The following SEPTIN7 variants were observed in gnomAD, a reference collection of about 807,000 sequenced individuals.
SEPTIN7 encodes the protein septin 7.
SEPTIN7 carries 10 observed loss-of-function variants against 63.3 expected under a neutral mutation model. The observed-to-expected ratio is 0.16, with a 90% CI of 0.10 to 0.27. The LOEUF is 0.27. Ranked by LOEUF, SEPTIN7 falls within the 10% of genes least tolerant of loss-of-function variation. SEPTIN7 has a pLI of 1.00. For synonymous variants in SEPTIN7, 131 were observed against 165.3 expected, an observed-to-expected ratio of 0.79 and a Z score of 1.59; for missense variants, 310 against 521.0, an observed-to-expected ratio of 0.59 and a Z score of 3.94.
rs536215732 is a variant in SEPTIN7, at chr7:35,887,095, C to T, written c.872+1216C>T. Among the ~76,000 whole-genome samples, 6 of 152,268 alleles carry T rather than the reference C, an allele frequency of 3.9e-5. No homozygotes were observed. The East Asian group carries it at 1.2e-3, about 29-fold the overall frequency. On this transcript the variant is annotated intron_variant, in intron 10 of 13. Transcript: ENST00000350320. ...AGGCTCTATTATGAACCATTCCCTTCCTCTTCCATTCTTAAGGTGTGACTT... is the reference window on the plus strand; with the variant it reads ...AGGCTCTATTATGAACCATTCCCTTTCTCTTCCATTCTTAAGGTGTGACTT...
chr7:35,879,997 T>C, intron 7 of SEPTIN7, 57 bp downstream of exon 7: 1 of 947,278 alleles, frequency 1.1e-6, no homozygotes, highest in Non-Finnish European at 1.7e-6. Context: ...TTGCAGTTTT[T>C]ACTATTTTTA....
At chr7:35,840,816 A>C (rs1784373829) in intron 3 of SEPTIN7, among the ~76,000 whole-genome samples, 2 of 152,202 alleles carry the variant, frequency 1.3e-5, no homozygotes, top group Admixed American at 6.5e-5. Context: ...TAATGTGTTA[A>C]GTGGCATAAG....
intron 4 of SEPTIN7, among the ~76,000 whole-genome samples, chr7:35,867,944 C>G (rs1346247302): frequency 6.6e-6 from 1 of 151,536 alleles, no homozygotes; most frequent in East Asian, 1.9e-4. Flanking sequence ...TGATCTCAAG[C>G]TTACTGCAAC....
intron 3 of SEPTIN7, among the ~76,000 whole-genome samples, chr7:35,858,237 G>A (rs542440947): frequency 1.3e-5 from 2 of 151,748 alleles, no homozygotes; most frequent in East Asian, 1.9e-4. Context: ...TAGCCACCAC[G>A]CCCAACCCCC....
intron 1 of SEPTIN7, among the ~76,000 whole-genome samples, chr7:35,812,750 TAATA>T (rs1331975471): frequency 1.3e-5 from 2 of 152,218 alleles, no homozygotes; most frequent in African/African-American, 2.4e-5. Flanking sequence ...CCACTTCATT[TAATA>T]AATAAATCTT....
At chr7:35,893,141 T>C (rs1273635212) in intron 11 of SEPTIN7, among the ~76,000 whole-genome samples, 2 of 152,178 alleles carry the variant, frequency 1.3e-5, no homozygotes, top group Non-Finnish European at 2.9e-5. Flanking sequence ...TATCCATGAA[T>C]AACTGAAAAG....
At chr7:35,907,333 C>T (rs950171635), downstream of SEPTIN7, among the ~76,000 whole-genome samples, 19 of 152,094 alleles carry the variant, frequency 1.2e-4, no homozygotes, top group African/African-American at 4.3e-4. Flanking sequence ...TTTACCTGCC[C>T]CTTTTGTAAT....
At chr7:35,902,826 TGTTAA>T (rs1230655792) in intron 12 of SEPTIN7, 2 of 372,778 alleles carry the variant, frequency 5.4e-6, no homozygotes, top group African/African-American at 4.8e-5. Flanking sequence ...TACTCCACAC[TGTTAA>T]GTTTGTTGCT....
At chr7:35,812,697 G>C (rs936528561) in intron 1 of SEPTIN7, among the ~76,000 whole-genome samples, 30 of 151,928 alleles carry the variant, frequency 2.0e-4, no homozygotes, top group Non-Finnish European at 1.5e-4. Context: ...TTTTTCCCCC[G>C]TAGGGTAGTT....
chr7:35,842,757 A>C (rs28380619), intron 3 of SEPTIN7, among the ~76,000 whole-genome samples: 2 of 152,206 alleles, frequency 1.3e-5, no homozygotes, highest in African/African-American at 4.8e-5. Flanking sequence ...CAAAAGTTAC[A>C]AGTACAGTAC....
rs545908177 is a variant in SEPTIN7, at chr7:35,894,482, G to T, written c.998+3689G>T. On this transcript the variant is annotated intron_variant, in intron 11 of 13. Coordinates refer to ENST00000350320, the MANE Select transcript of SEPTIN7 (RefSeq NM_001788.6). ...ATCTAAATAGAAATAAAGACAATTT[G>T]CTGAAAATTTCAAGTTGTTTCAAAA... Among the ~76,000 whole-genome samples the T allele has an allele frequency of 9.0e-4, 137 of 152,182 alleles. 2 individuals are homozygous for T. The highest frequency in any genetic ancestry group is 1.4e-3 in the Admixed American group (22 of 15,282).
intron 4 of SEPTIN7, among the ~76,000 whole-genome samples, chr7:35,871,282 A>G (rs994501925): frequency 4.6e-5 from 7 of 152,218 alleles, no homozygotes; most frequent in Admixed American, 3.9e-4. Flanking sequence ...TTCAGTTTTA[A>G]TAAGTTTTAT....
intron 1 of SEPTIN7, among the ~76,000 whole-genome samples, chr7:35,801,673 C>T (rs1340806255): frequency 1.3e-5 from 2 of 152,192 alleles, no homozygotes; most frequent in Non-Finnish European, 2.9e-5. Flanking sequence ...CCTCCTGTCC[C>T]CGGCCGCATC....
chr7:35,882,449 TG>T (rs1262531251), intron 7 of SEPTIN7, 34 bp from the exon 8 acceptor site: 1 of 1,401,914 alleles, frequency 7.1e-7, no homozygotes, highest in East Asian at 2.7e-5. Flanking sequence ...TAATTATGTA[TG>T]GTGCTCTTTT....
At chr7:35,884,906 A>G (rs1024625460) in intron 9 of SEPTIN7, among the ~76,000 whole-genome samples, 3 of 152,188 alleles carry the variant, frequency 2.0e-5, no homozygotes, top group South Asian at 2.1e-4. Context: ...CCTCTTGGCA[A>G]TAGGTTTATT....
chr7:35,847,141 T>G (rs1784716072), intron 3 of SEPTIN7: 1 of 171,488 alleles, frequency 5.8e-6, no homozygotes, highest in South Asian at 1.5e-4. Context: ...GTGTCCAGAT[T>G]GGTGGCTCCG....
At chr7:35,864,007 A>G (rs1252990636) in intron 4 of SEPTIN7, among the ~76,000 whole-genome samples, 3 of 151,228 alleles carry the variant, frequency 2.0e-5, no homozygotes, top group African/African-American at 7.3e-5. Flanking sequence ...CATTTGCTCC[A>G]GATACATTTC....
intron 1 of SEPTIN7, among the ~76,000 whole-genome samples, chr7:35,803,787 A>G (rs1389681967): frequency 1.3e-5 from 2 of 152,186 alleles, no homozygotes; most frequent in African/African-American, 2.4e-5. Context: ...ATAGAAACTG[A>G]AGAAAAATTA....
intron 3 of SEPTIN7, among the ~76,000 whole-genome samples, chr7:35,851,348 C>T (rs1784949944): frequency 6.6e-6 from 1 of 152,006 alleles, no homozygotes; most frequent in Non-Finnish European, 1.5e-5. Context: ...TCCCCTTAAA[C>T]TGCAGTAAAA....
Sources: gnomAD v4.1 joint callset for allele counts (sites outside exome capture counted in the v4.1 genomes callset) on GRCh38, gnomAD v4.1.1 for gene constraint, MANE v1.5 for transcripts, NCBI Gene and HGNC (gene_info 2026-07-23, HGNC 2026-07-21) for gene names.